The following CA8 variants were observed in gnomAD, a reference collection of about 807,000 sequenced individuals.
The protein encoded by CA8 is carbonic anhydrase-related protein.
A neutral mutation model predicts 41.4 loss-of-function variants in CA8; 22 were observed. The ratio of observed to expected loss-of-function variants is 0.53; its 90% confidence interval spans 0.38 to 0.76. The LOEUF (loss-of-function observed/expected upper bound fraction) is 0.76. Ranked by LOEUF, CA8 falls within the 30% of genes least tolerant of loss-of-function variation. The pLI is 0.00. For missense variants in CA8, 270 were observed against 352.8 expected (o/e 0.77, Z 1.88); for synonymous variants, 121 against 130.6 (o/e 0.93, Z 0.50).
intron 2 of CA8, among the ~76,000 whole-genome samples, chr8:60,272,166 T>C (rs74364160): frequency 0.024 from 3,627 of 152,188 alleles, 123 homozygotes; most frequent in African/African-American, 0.081. Flanking sequence ...CTCCTCCACA[T>C]CCCTGCTCCA....
At chr8:60,261,707 GA>G (rs980205378) in intron 3 of CA8, among the ~76,000 whole-genome samples, 3 of 152,030 alleles carry the variant, frequency 2.0e-5, no homozygotes, top group Admixed American at 1.3e-4. Context: ...TTCTTAACTG[GA>G]AAAATTAAAA....
intron 8 of CA8, among the ~76,000 whole-genome samples, chr8:60,203,470 T>C (rs1806491430): frequency 1.3e-5 from 2 of 152,196 alleles, no homozygotes; most frequent in Admixed American, 6.5e-5. Context: ...GGTAGACTTT[T>C]AGGCAAGTCT....
At chr8:60,251,303 A>C (rs1437284698) in intron 3 of CA8, among the ~76,000 whole-genome samples, 1 of 152,240 alleles carries the variant, frequency 6.6e-6, no homozygotes, top group African/African-American at 2.4e-5. Context: ...CACTATGCCT[A>C]GAACCTTCTC....
Position 60,208,896 on chromosome 8 carries a change from C to T in CA8, c.762G>A (p.Arg254=), listed in dbSNP as rs1485429102. 1.9e-6 allele frequency: 3 copies of T among 1,614,112 alleles called. No homozygotes were observed. The East Asian group carries it at 6.7e-5, about 36-fold the overall frequency. The part of the protein sequence containing the change: ...QLQIEEFRRL[R]THVKGAELVE... ...CAAGTTCTGCCCCCTTAACATGTGT[C>T]CTCAGCCTTCGAAATTCTTCTATCT... Residue 254 remains arginine (R), a synonymous_variant, in exon 8 of 9, where the codon AGG becomes AGA. Transcript: ENST00000317995.
intron 4 of CA8, among the ~76,000 whole-genome samples, chr8:60,227,236 T>C (rs1202835243): frequency 1.3e-5 from 2 of 151,772 alleles, no homozygotes; most frequent in Admixed American, 6.6e-5. Flanking sequence ...GAGGTTGCAG[T>C]GAGCCAAGAT....
rs1428966358 is a variant in CA8, at chr8:60,189,269, G to A, written c.*752C>T. On this transcript the variant is annotated 3_prime_UTR_variant, in exon 9 of 9. Transcript: ENST00000317995. Reference sequence around the variant, plus strand: ...GAAAGTAAAGCTATTCCTGGTACATGGTGCTGACCTTCTTTTTATCCTATT... The same window carrying A: ...GAAAGTAAAGCTATTCCTGGTACATAGTGCTGACCTTCTTTTTATCCTATT... 1 of 152,064 alleles carries A rather than the reference G, an allele frequency of 6.6e-6. No homozygotes were observed. The highest frequency in any genetic ancestry group is 2.4e-5 in the African/African-American group (1 of 41,400). The allele number at this position is 152,064 out of a possible 1,614,324, so 9.4% of individuals were successfully genotyped here.
chr8:60,219,131 T>C (rs1807139584), intron 7 of CA8, among the ~76,000 whole-genome samples: 2 of 151,846 alleles, frequency 1.3e-5, no homozygotes, highest in African/African-American at 4.8e-5. Context: ...ACATATTCTT[T>C]TCTTGGGTGT....
At chr8:60,246,604 T>C (rs1808245486) in intron 3 of CA8, among the ~76,000 whole-genome samples, 1 of 152,110 alleles carries the variant, frequency 6.6e-6, no homozygotes, top group African/African-American at 2.4e-5. Context: ...GGCCACACAT[T>C]TGTGATAGAA....
rs1313475320 is a variant in CA8 at position 60,186,574 on chromosome 8, G to A, written c.*3447C>T. On this transcript the variant is annotated 3_prime_UTR_variant, in exon 9 of 9. Coordinates refer to ENST00000317995, the MANE Select transcript of CA8 (RefSeq NM_004056.6). ...CCAACTATATAAACAATAACATTAA[G>A]TGCAAATGGGTTAAATAATCCAACC... Among the ~76,000 whole-genome samples, 2 of 151,544 alleles carry A rather than the reference G, an allele frequency of 1.3e-5. No individual in the cohort carries two copies. The highest frequency in any genetic ancestry group is 3.0e-5 in the Non-Finnish European group (2 of 67,792).
chr8:60,270,432 T>C (rs951695598), intron 2 of CA8, among the ~76,000 whole-genome samples: 17 of 152,184 alleles, frequency 1.1e-4, no homozygotes, highest in African/African-American at 3.9e-4. Context: ...ATACGTCTTT[T>C]TGAGATGGAG....
intron 6 of CA8, among the ~76,000 whole-genome samples, 174 bp from the exon 7 acceptor site, chr8:60,222,935 G>T (rs1317217269): frequency 6.6e-6 from 1 of 152,148 alleles, no homozygotes; most frequent in African/African-American, 2.4e-5. Context: ...GAAAATAATT[G>T]ATAAAAAGCA....
chr8:60,187,358 G>A lies in CA8; in HGVS notation c.*2663C>T, dbSNP rs893711328. ...CAGAGGAAAATTTATAACTGTTAAT[G>A]CCTTTATTCAAAAAAGAATTCAAAT... On this transcript the variant is annotated 3_prime_UTR_variant, in exon 9 of 9. Coordinates refer to ENST00000317995, the MANE Select transcript of CA8 (RefSeq NM_004056.6). 3 of 152,004 alleles carry A rather than the reference G, an allele frequency of 2.0e-5. No individual in the cohort carries two copies. Among genetic ancestry groups the A allele is most frequent in the Non-Finnish European group, 4.4e-5 (3 of 67,950 alleles). The allele number at this position is 152,004 out of a possible 1,614,324, so 9.4% of individuals were successfully genotyped here.
At chr8:60,230,239 T>C (rs973168688) in intron 4 of CA8, among the ~76,000 whole-genome samples, 2 of 152,182 alleles carry the variant, frequency 1.3e-5, no homozygotes, top group Non-Finnish European at 2.9e-5. Flanking sequence ...GTGGGTCTGC[T>C]CCTATCTGAG....
intron 4 of CA8, among the ~76,000 whole-genome samples, chr8:60,231,625 T>A (rs1052327155): frequency 1.3e-5 from 2 of 152,190 alleles, no homozygotes; most frequent in African/African-American, 2.4e-5. Flanking sequence ...CAGATACTCT[T>A]TCACCTCTAA....
intron 4 of CA8, among the ~76,000 whole-genome samples, chr8:60,229,316 C>A (rs1331992403): frequency 6.6e-6 from 1 of 152,184 alleles, no homozygotes; most frequent in Admixed American, 6.5e-5. Context: ...CTTTTGCAGG[C>A]CTTTCAAGTG....
At position 60,265,409 on chromosome 8, in the gene CA8, A is replaced by T. The variant is rs577482282; in HGVS notation, c.417+516T>A. 43 of 161,096 alleles carry T rather than the reference A, an allele frequency of 2.7e-4. No homozygotes were observed. The South Asian group carries it at 7.8e-3, about 29-fold the overall frequency. 10.0% of individuals were successfully genotyped at this position (161,096 alleles called of 1,614,324 possible). On this transcript the variant is annotated intron_variant, in intron 3 of 8. Transcript: ENST00000317995. ...CAACTGCGTATCAAAGAAACAGCAG[A>T]AGTTAACTAAGAACGTAAGTCGGGG...
chr8:60,229,816 G>A (rs1055318787), intron 4 of CA8, among the ~76,000 whole-genome samples: 1 of 152,116 alleles, frequency 6.6e-6, no homozygotes, highest in African/African-American at 2.4e-5. Context: ...TAGACATGGT[G>A]TGGGACTGGC....
chr8:60,280,508 G>C (rs1355133666), intron 1 of CA8, among the ~76,000 whole-genome samples: 1 of 152,148 alleles, frequency 6.6e-6, no homozygotes, highest in African/African-American at 2.4e-5. Flanking sequence ...TAGGAAACTC[G>C]AGTTTTTCAG....
chr8:60,209,279 T>C (rs1806750217), intron 7 of CA8, among the ~76,000 whole-genome samples: 1 of 151,472 alleles, frequency 6.6e-6, no homozygotes, highest in Non-Finnish European at 1.5e-5. Context: ...AGGTCAAGAG[T>C]TCAACAGCAG....
Sources: gnomAD v4.1 joint callset for allele counts (sites outside exome capture counted in the v4.1 genomes callset) on GRCh38, gnomAD v4.1.1 for gene constraint, MANE v1.5 for transcripts, NCBI Gene and HGNC (gene_info 2026-07-23, HGNC 2026-07-21) for gene names.